MAPK4: variants seen among roughly 807,000 people sequenced by gnomAD.
The protein encoded by MAPK4 is Erk3-related.
A neutral mutation model predicts 47.7 loss-of-function variants in MAPK4; 22 were observed. The ratio of observed to expected loss-of-function variants is 0.46; its 90% CI spans 0.33 to 0.66. The LOEUF (loss-of-function observed/expected upper bound fraction) is 0.66, where lower values mean the gene tolerates loss of function less well. Among genes scored for constraint, MAPK4 ranks in the 30% least tolerant of loss-of-function variants. The pLI is 0.02. For missense variants in MAPK4, 736 were observed against 831.7 expected (o/e 0.88, Z 1.42); for synonymous variants, 390 against 365.7 (o/e 1.07, Z -0.76).
At chr18:50,634,142 G>T (rs757507179) in intron 1 of MAPK4, among the ~76,000 whole-genome samples, 1 of 152,004 alleles carries the variant, frequency 6.6e-6, no homozygotes, top group Non-Finnish European at 1.5e-5. Flanking sequence ...AATGAAAACC[G>T]GTGCCTCCCT....
intron 2 of MAPK4, among the ~76,000 whole-genome samples, chr18:50,698,008 A>C (rs913396524): frequency 6.6e-6 from 1 of 152,036 alleles, no homozygotes; most frequent in South Asian, 2.1e-4. Context: ...CAACAATGAT[A>C]CTCTTCTCCC....
At chr18:50,583,439 A>G (rs1395249985) in intron 1 of MAPK4, among the ~76,000 whole-genome samples, 1 of 152,142 alleles carries the variant, frequency 6.6e-6, no homozygotes, top group Non-Finnish European at 1.5e-5. Flanking sequence ...AATGCAAAAA[A>G]TTAGCCAGGC....
chr18:50,712,839 T>C (rs1282473175), intron 2 of MAPK4, among the ~76,000 whole-genome samples: 1 of 152,246 alleles, frequency 6.6e-6, no homozygotes, highest in Non-Finnish European at 1.5e-5. Context: ...GTCTTTTCCC[T>C]GACAATCTCA....
chr18:50,657,667 G>A (rs1044036769), intron 1 of MAPK4, among the ~76,000 whole-genome samples: 2 of 151,830 alleles, frequency 1.3e-5, no homozygotes, highest in Non-Finnish European at 2.9e-5. Flanking sequence ...ACAGGTGACA[G>A]TTGTCAGTGT....
At chr18:50,677,062 T>C (rs1212146197) in intron 2 of MAPK4, among the ~76,000 whole-genome samples, 7 of 152,298 alleles carry the variant, frequency 4.6e-5, no homozygotes, top group Non-Finnish European at 8.8e-5. Flanking sequence ...TAGAGTCTCA[T>C]AGGAGCTCTA....
intron 1 of MAPK4, among the ~76,000 whole-genome samples, chr18:50,603,642 C>T (rs2042559599): frequency 6.6e-6 from 1 of 151,916 alleles, no homozygotes; most frequent in Non-Finnish European, 1.5e-5. Flanking sequence ...TCCTCATGGG[C>T]CTGTATGTAC....
In MAPK4 at chr18:50,642,198, G is replaced by A. The variant is rs143605062; in HGVS notation, c.-870-20891G>A. Reference sequence around the variant, plus strand: ...AAATGAATTCTAATTAATAATTTGGGGCAAATTATTTTCCCCGCAGTTTAG... The same window carrying A: ...AAATGAATTCTAATTAATAATTTGGAGCAAATTATTTTCCCCGCAGTTTAG... On this transcript the variant is annotated intron_variant, in intron 1 of 5. Coordinates refer to ENST00000400384, the MANE Select transcript of MAPK4 (RefSeq NM_002747.4). Among the ~76,000 whole-genome samples the A allele has an allele frequency of 5.3e-3, 808 of 152,138 alleles. 10 individuals carry two copies. Among genetic ancestry groups the A allele is most frequent in the African/African-American group, 0.019 (776 of 41,496 alleles).
intron 1 of MAPK4, among the ~76,000 whole-genome samples, chr18:50,573,784 A>G (rs552146167): frequency 1.6e-4 from 25 of 152,360 alleles, no homozygotes; most frequent in African/African-American, 5.5e-4. Flanking sequence ...CATATGGTCA[A>G]TATAGGTCAC....
intron 1 of MAPK4, among the ~76,000 whole-genome samples, chr18:50,657,871 C>T (rs145464183): frequency 6.6e-6 from 1 of 152,222 alleles, no homozygotes; most frequent in African/African-American, 2.4e-5. Context: ...TGGGTAGGCT[C>T]AGCTGCCTGA....
At chr18:50,706,171 G>T (rs1910041666) in intron 2 of MAPK4, 1 of 152,142 alleles carries the variant, frequency 6.6e-6, no homozygotes, top group Non-Finnish European at 1.5e-5. Context: ...TTTACTTCCT[G>T]TGGTTCAGCC....
chr18:50,667,857 C>G (rs1305741115), intron 2 of MAPK4, among the ~76,000 whole-genome samples: 3 of 152,176 alleles, frequency 2.0e-5, no homozygotes. Flanking sequence ...CTGGGTGTCC[C>G]CCAATTCAAT....
At position 50,678,440 on chromosome 18, in the gene MAPK4, C is replaced by T. The variant is rs150505177; in HGVS notation, c.546+13936C>T. Among the ~76,000 whole-genome samples the T allele has an allele frequency of 9.5e-4, 145 of 152,284 alleles. No homozygotes were observed. Among genetic ancestry groups the T allele is most frequent in the Non-Finnish European group, 1.7e-3 (119 of 68,028 alleles). On this transcript the variant is annotated intron_variant, in intron 2 of 5. Transcript: ENST00000400384. This position sits in a 1 kb window ranked among gnomAD's most constrained non-coding sequence, Gnocchi z 4.2. ...GGGACCAACCAATCTGAACAGACAT[C>T]GGCAGTGACCAATCAGAGTAGATAC...
chr18:50,638,164 C>G lies in MAPK4; in HGVS notation c.-870-24925C>G, dbSNP rs186649960. 2.6e-5 allele frequency among the ~76,000 whole-genome samples: 4 copies of G among 152,154 alleles called. No individual in the cohort carries two copies. The East Asian group carries it at 7.7e-4, about 29-fold the overall frequency. On this transcript the variant is annotated intron_variant, in intron 1 of 5. Transcript: ENST00000400384. Reference sequence around the variant, plus strand: ...GATGCGATGCTAGGTTGGCAACATGCGAGTGAGCATTGGGTGGAATCTGTC... The same window carrying G: ...GATGCGATGCTAGGTTGGCAACATGGGAGTGAGCATTGGGTGGAATCTGTC...
At chr18:50,649,298 G>C (rs1388290832) in intron 1 of MAPK4, among the ~76,000 whole-genome samples, 1 of 152,154 alleles carries the variant, frequency 6.6e-6, no homozygotes, top group Non-Finnish European at 1.5e-5. Flanking sequence ...AGTTGAAACT[G>C]ATTCAGAACG....
In MAPK4 at chr18:50,729,514, G is replaced by A. The variant is rs539499065; in HGVS notation, c.1424G>A (p.Gly475Glu). The change falls in exon 6 of 6, where the codon GGG (glycine) becomes GAG (glutamate). Residue 475 changes from glycine to glutamate, a missense_variant. Physicochemically the swap from Gly to Glu is moderately conservative, Grantham distance 98. Around this residue, in one of 3 missense-constraint regions of MAPK4, gnomAD observed 377 missense variants for 378.6 expected, o/e 1.00. Transcript: ENST00000400384. The stretch of plus-strand genomic sequence containing the variant: ...GCCGGCGCGCCCCCCACGGCCACGG[G>A]GCTGGCGGACACGGGGGCGCGCGAG... ...QAAGAPPTAT[G>E]LADTGAREDE... 1 of 1,444,958 alleles carries A rather than the reference G, an allele frequency of 6.9e-7. No homozygotes were observed. Among genetic ancestry groups the A allele is most frequent in the South Asian group, 1.5e-5 (1 of 68,640 alleles). 89.5% of individuals were successfully genotyped at this position (1,444,958 alleles called of 1,614,324 possible).
Position 50,722,022 on chromosome 18 carries a change from T to C in MAPK4, c.776T>C (p.Val259Ala). 6.2e-7 allele frequency: 1 copy of C among 1,613,886 alleles called. No homozygotes were observed. The highest frequency in any genetic ancestry group is 8.5e-7 in the Non-Finnish European group (1 of 1,179,940). The change falls in exon 4 of 6, where the codon GTG (valine) becomes GCG (alanine). Residue 259 changes from valine to alanine, a missense_variant. By Grantham distance (64) the Val-to-Ala change is moderately conservative (BLOSUM62 0). Around this residue, in one of 3 missense-constraint regions of MAPK4, gnomAD observed 327 missense variants for 395.4 expected, o/e 0.83. Transcript: ENST00000400384. ...REEDKDELLR[V>A]MPSFVSSTWE... Reference sequence around the variant, plus strand: ...GAAGACAAGGACGAGCTGCTCAGGGTGATGCCTTCCTTTGTCAGCAGCACC... The same window carrying C: ...GAAGACAAGGACGAGCTGCTCAGGGCGATGCCTTCCTTTGTCAGCAGCACC...
At chr18:50,702,914 G>T (rs898594319) in intron 2 of MAPK4, among the ~76,000 whole-genome samples, 1 of 152,206 alleles carries the variant, frequency 6.6e-6, no homozygotes, top group East Asian at 1.9e-4. Flanking sequence ...TAATTCTCTC[G>T]AACAGGTGAC....
At chr18:50,695,161 C>A (rs1469590290) in intron 2 of MAPK4, among the ~76,000 whole-genome samples, 1 of 151,844 alleles carries the variant, frequency 6.6e-6, no homozygotes, top group Non-Finnish European at 1.5e-5. Context: ...GCCTGGCCAA[C>A]GTGATGAAAC....
intron 1 of MAPK4, among the ~76,000 whole-genome samples, chr18:50,575,792 CAAAAAAAA>C (rs540138636): frequency 1.4e-5 from 1 of 70,130 alleles, no homozygotes; most frequent in African/African-American, 5.7e-5. Context: ...AATCAACAAG[CAAAAAAAA>C]AAAAAAAAAA....
Sources: gnomAD v4.1 joint callset for allele counts (sites outside exome capture counted in the v4.1 genomes callset) on GRCh38, gnomAD v4.1.1 for gene constraint, gnomAD v4.1.1 regional missense constraint, Gnocchi (gnomAD v3.1) non-coding constraint, MANE v1.5 for transcripts, NCBI Gene and HGNC (gene_info 2026-07-23, HGNC 2026-07-21) for gene names.